The following WNT7B variants were observed in gnomAD, a reference collection of about 807,000 sequenced individuals.
WNT7B encodes the protein Wnt family member 7B.
Under a neutral mutation model 38.2 loss-of-function variants are expected in WNT7B, and 19 were observed. The observed-to-expected ratio is 0.50, with a 90% CI of 0.35 to 0.73. The LOEUF (loss-of-function observed/expected upper bound fraction) is 0.73. Ranked by LOEUF, WNT7B falls within the 30% of genes least tolerant of loss-of-function variation. The pLI is 0.01. For synonymous variants in WNT7B, 243 were observed against 209.3 expected (o/e 1.16, Z -1.39); for missense variants, 423 against 507.9 (o/e 0.83, Z 1.61).
chr22:45,941,404 G>A lies in WNT7B; in HGVS notation c.298+8516C>T, dbSNP rs901944780. On this transcript the variant is annotated intron_variant, in intron 2 of 3. Coordinates refer to ENST00000339464, the MANE Select transcript of WNT7B (RefSeq NM_058238.3). The stretch of plus-strand genomic sequence containing the variant: ...CAGGGGCCTGTAATCCCAGCTACTC[G>A]GGAAGCTGAGCCAGCAGAATCACTT... 6.6e-5 allele frequency among the ~76,000 whole-genome samples: 10 copies of A among 151,326 alleles called. No individual in the cohort carries two copies. In the South Asian group the frequency reaches 8.3e-4, roughly 13 times the overall value.
At chr22:45,970,847 C>A (rs984384550) in intron 1 of WNT7B, among the ~76,000 whole-genome samples, 1 of 152,226 alleles carries the variant, frequency 6.6e-6, no homozygotes, top group Non-Finnish European at 1.5e-5. Flanking sequence ...ACTGCTCAGG[C>A]GGTCCCCACC....
intron 2 of WNT7B, among the ~76,000 whole-genome samples, chr22:45,932,600 T>A (rs1270127134): frequency 6.6e-6 from 1 of 152,224 alleles, no homozygotes; most frequent in Non-Finnish European, 1.5e-5. Context: ...CCAGGCCCTG[T>A]GCATCCTTCC....
At chr22:45,970,860 C>T (rs1439406098) in intron 1 of WNT7B, among the ~76,000 whole-genome samples, 1 of 152,242 alleles carries the variant, frequency 6.6e-6, no homozygotes, top group Non-Finnish European at 1.5e-5. Context: ...TCCCCACCCG[C>T]ATGCGCCCTG....
intron 3 of WNT7B, chr22:45,925,171 G>T (rs531496783): frequency 2.1e-6 from 2 of 973,550 alleles, no homozygotes; most frequent in Non-Finnish European, 2.4e-6. Context: ...GGCTCATCAG[G>T]TGGGTGCCGG....
chr22:45,931,420 T>C, intron 2 of WNT7B, 51 bp from the exon 3 acceptor site: 2 of 1,523,292 alleles, frequency 1.3e-6, no homozygotes, highest in Non-Finnish European at 1.8e-6. Context: ...CTGGGCCAGG[T>C]GGGCTCAGGG....
In WNT7B at chr22:45,951,238, G is replaced by A. The variant is rs112391594; in HGVS notation, c.72-1092C>T. 2.0e-3 allele frequency among the ~76,000 whole-genome samples: 300 copies of A among 152,054 alleles called. 2 individuals are homozygous for A. The highest frequency in any genetic ancestry group is 7.0e-3 in the African/African-American group (290 of 41,470). On this transcript the variant is annotated intron_variant, in intron 1 of 3. Coordinates refer to ENST00000339464, the MANE Select transcript of WNT7B (RefSeq NM_058238.3). The surrounding 1 kb of genome is among the most constrained non-coding windows in gnomAD (Gnocchi z 4.8). Reference sequence around the variant, plus strand: ...ACTACAGTTGCCCACCACCACACCCGGCTAATTTTTGTATTTTTAGTAGAG... The same window carrying A: ...ACTACAGTTGCCCACCACCACACCCAGCTAATTTTTGTATTTTTAGTAGAG...
At chr22:45,953,619 C>T (rs1931990357) in intron 1 of WNT7B, among the ~76,000 whole-genome samples, 2 of 151,830 alleles carry the variant, frequency 1.3e-5, no homozygotes, top group Admixed American at 1.3e-4. Flanking sequence ...ATACGCACCG[C>T]CAACAAGCTC....
chr22:45,936,151 A>G, intron 2 of WNT7B: 2 of 985,426 alleles, frequency 2.0e-6, no homozygotes, highest in Non-Finnish European at 1.2e-6. Flanking sequence ...GCCCTGCGGC[A>G]GGATTCACTG....
At chr22:45,955,631 T>C (rs1172606874) in intron 1 of WNT7B, among the ~76,000 whole-genome samples, 1 of 152,148 alleles carries the variant, frequency 6.6e-6, no homozygotes. Context: ...GCTGACCTTT[T>C]TCATGGAAAA....
intron 1 of WNT7B, among the ~76,000 whole-genome samples, chr22:45,958,935 C>T (rs1360989629): frequency 6.6e-6 from 1 of 152,180 alleles, no homozygotes; most frequent in Non-Finnish European, 1.5e-5. Flanking sequence ...GACGGGCACC[C>T]AGCTGCAAGG....
At chr22:45,925,595 C>T in intron 3 of WNT7B, 1 of 985,156 alleles carries the variant, frequency 1.0e-6, no homozygotes, top group Non-Finnish European at 1.2e-6. Flanking sequence ...CCATCCTGTC[C>T]ATCACCCCAG....
At position 45,959,265 on chromosome 22, in the gene WNT7B, T is replaced by G. The variant is rs114553708; in HGVS notation, c.72-9119A>C. 7.4e-3 allele frequency among the ~76,000 whole-genome samples: 1,122 copies of G among 152,228 alleles called. 10 individuals are homozygous for G. The highest frequency in any genetic ancestry group is 0.026 in the African/African-American group (1,066 of 41,526). ...CAGGGGGTGGGCAGCAGCGCGGCCGTGGGCTGTCCCCTTGTCACTCAGACT... is the reference window on the plus strand; with the variant it reads ...CAGGGGGTGGGCAGCAGCGCGGCCGGGGGCTGTCCCCTTGTCACTCAGACT... On this transcript the variant is annotated intron_variant, in intron 1 of 3. Transcript: ENST00000339464.
In WNT7B at chr22:45,927,427, C is replaced by T. The variant is rs547027260; in HGVS notation, c.570+3671G>A. On this transcript the variant is annotated intron_variant, in intron 3 of 3. Coordinates refer to ENST00000339464, the MANE Select transcript of WNT7B (RefSeq NM_058238.3). ...CCATCAGGGACACCAGCCTGGGCCA[C>T]ATGCCAGCTAGGGGAACGGCATAGC... is the stretch of plus-strand genomic sequence containing the variant. 1.2e-5 allele frequency: 19 copies of T among 1,544,668 alleles called. No homozygotes were observed. In the South Asian group the frequency reaches 1.4e-4, roughly 12 times the overall value.
chr22:45,926,763 G>GTGGGCTGCTTC, intron 3 of WNT7B: 1 of 985,352 alleles, frequency 1.0e-6, no homozygotes. Context: ...TTCACCCTCT[G>GTGGGCTGCTTC]ACCACGAGCC....
chr22:45,945,814 C>T (rs148913077), intron 2 of WNT7B, among the ~76,000 whole-genome samples: 10 of 152,354 alleles, frequency 6.6e-5, no homozygotes, highest in African/African-American at 2.4e-4. Context: ...CTGTGTGCAG[C>T]CCAGGAAGAC....
chr22:45,930,232 AGCACCTG>A (rs1318216573), intron 3 of WNT7B, among the ~76,000 whole-genome samples: 1 of 152,210 alleles, frequency 6.6e-6, no homozygotes, highest in African/African-American at 2.4e-5. Flanking sequence ...TGCCCAGCCT[AGCACCTG>A]GCACAGAAAA....
intron 1 of WNT7B, among the ~76,000 whole-genome samples, chr22:45,960,341 ACT>A (rs1260522691): frequency 3.3e-5 from 5 of 152,030 alleles, no homozygotes; most frequent in African/African-American, 4.8e-5. Flanking sequence ...GAGTGCCCAG[ACT>A]CTGTGCTTGA....
chr22:45,924,522 G>T (rs959435786), intron 3 of WNT7B, among the ~76,000 whole-genome samples: 1 of 152,238 alleles, frequency 6.6e-6, no homozygotes, highest in African/African-American at 2.4e-5. Context: ...GGAGGTGTGG[G>T]TATTGATGGA....
chr22:45,937,645 G>C (rs144194619), intron 2 of WNT7B, among the ~76,000 whole-genome samples: 123 of 152,348 alleles, frequency 8.1e-4, no homozygotes, highest in African/African-American at 2.9e-3. Flanking sequence ...GTGAACCTGT[G>C]CTCACGGGTC....
Sources: allele counts gnomAD v4.1 joint callset (sites outside exome capture counted in the v4.1 genomes callset), GRCh38; gene constraint gnomAD v4.1.1; non-coding constraint Gnocchi (gnomAD v3.1); transcripts MANE v1.5; gene names NCBI Gene and HGNC (gene_info 2026-07-23, HGNC 2026-07-21).